The following ATP6V1C2 variants were observed in gnomAD, a reference collection of about 807,000 sequenced individuals.
ATP6V1C2 encodes V-type proton ATPase subunit C 2.
Under a neutral mutation model 56.8 loss-of-function variants are expected in ATP6V1C2, and 45 were observed. The ratio of observed to expected loss-of-function variants is 0.79; its 90% CI spans 0.62 to 1.02. ATP6V1C2 has a LOEUF of 1.02. ATP6V1C2 is among the 50% of genes least tolerant of loss of function. ATP6V1C2 has a pLI of 0.00. For synonymous variants in ATP6V1C2, 220 were observed against 201.3 expected (o/e 1.09, Z -0.79); for missense variants, 463 against 519.7 (o/e 0.89, Z 1.06).
chr2:10,725,338 C>T (rs1001371830), intron 2 of ATP6V1C2, among the ~76,000 whole-genome samples: 1 of 151,458 alleles, frequency 6.6e-6, no homozygotes, highest in Admixed American at 6.6e-5. Flanking sequence ...TCACTTGAAC[C>T]TGGGAGGTGG....
chr2:10,731,231 G>C (rs1661935712), intron 3 of ATP6V1C2, among the ~76,000 whole-genome samples: 1 of 152,208 alleles, frequency 6.6e-6, no homozygotes, highest in African/African-American at 2.4e-5. Flanking sequence ...TTACAAGCAT[G>C]AGTCACCACA....
Position 10,777,571 on chromosome 2 carries a change from T to C in ATP6V1C2, c.826-14T>C, listed in dbSNP as rs753356286. 5.0e-6 allele frequency: 8 copies of C among 1,603,788 alleles called. No homozygotes were observed. The Admixed American group carries it at 1.2e-4, about 25-fold the overall frequency. On this transcript the variant is annotated splice_polypyrimidine_tract_variant and intron_variant, in intron 10 of 13. Transcript: ENST00000272238. ...GTTTGCTGAAAGATTAATAAATCAT[T>C]TCTGTGCCTTTAGCAAACTTCCTGT...
chr2:10,725,744 C>T (rs1661604942), intron 2 of ATP6V1C2, among the ~76,000 whole-genome samples: 1 of 151,360 alleles, frequency 6.6e-6, no homozygotes, highest in Admixed American at 6.6e-5. Flanking sequence ...ATCTGCCCAC[C>T]TTGGCCTCAA....
intron 3 of ATP6V1C2, among the ~76,000 whole-genome samples, chr2:10,742,630 C>A (rs1027331850): frequency 1.3e-5 from 2 of 152,144 alleles, no homozygotes; most frequent in Non-Finnish European, 2.9e-5. Context: ...AATGTCCTGG[C>A]TGTGGGTGCG....
chr2:10,761,526 T>G (rs895057194), intron 4 of ATP6V1C2, among the ~76,000 whole-genome samples: 13 of 152,202 alleles, frequency 8.5e-5, no homozygotes, highest in African/African-American at 3.1e-4. Context: ...CCAAAGCCTG[T>G]ATTAATACCC....
In ATP6V1C2 at chr2:10,768,680, T is replaced by C. The variant is rs1432656997; in HGVS notation, c.379-39T>C. On this transcript the variant is annotated intron_variant, in intron 5 of 13. Transcript: ENST00000272238. ...CAAAAAGTTCAGCCAACTCCTTCAA[T>C]GCTCAGGGTCACCTGGAGCTTTTGC... 5 of 1,567,414 alleles carry C rather than the reference T, an allele frequency of 3.2e-6. No individual in the cohort carries two copies. The Admixed American group carries it at 6.7e-5, about 21-fold the overall frequency.
At chr2:10,739,631 C>T (rs1235458062) in intron 3 of ATP6V1C2, among the ~76,000 whole-genome samples, 6 of 152,170 alleles carry the variant, frequency 3.9e-5, no homozygotes, top group Admixed American at 6.6e-5. Flanking sequence ...CCAGCCAGCC[C>T]GGTCCCTCTA....
Position 10,774,998 on chromosome 2 carries a change from A to T in ATP6V1C2, c.752A>T (p.Tyr251Phe). ...KENKFTVREF[Y>F]YDEKEIERER... ...TTAAGGTTCACTGTTCGTGAATTTT[A>T]CTATGATGAGAAGGAAATTGAAAGG... Residue 251 changes from tyrosine to phenylalanine, a missense_variant, in exon 10 of 14, where the codon TAC (tyrosine) becomes TTC (phenylalanine). Physicochemically the swap from Tyr to Phe is conservative, Grantham distance 22 (BLOSUM62 3). Transcript: ENST00000272238. The T allele has an allele frequency of 6.2e-7, 1 of 1,614,154 alleles. No homozygotes were observed. The highest frequency in any genetic ancestry group is 8.5e-7 in the Non-Finnish European group (1 of 1,180,016).
chr2:10,775,347 G>A (rs986300168), intron 10 of ATP6V1C2, among the ~76,000 whole-genome samples: 2 of 152,190 alleles, frequency 1.3e-5, no homozygotes, highest in African/African-American at 2.4e-5. Context: ...CCTGAGCACC[G>A]CCCTGCCAGG....
chr2:10,740,099 A>AG (rs1156471770), intron 3 of ATP6V1C2, among the ~76,000 whole-genome samples: 1 of 151,800 alleles, frequency 6.6e-6, no homozygotes, highest in East Asian at 1.9e-4. Flanking sequence ...AAAAAAAAAA[A>AG]AAAAGAAAAG....
At chr2:10,779,427 AAAT>A (rs1390946656) in intron 12 of ATP6V1C2, among the ~76,000 whole-genome samples, 1 of 107,540 alleles carries the variant, frequency 9.3e-6, no homozygotes, top group Non-Finnish European at 2.0e-5. Context: ...ATAAAAAAAA[AAAT>A]ATATATATAT....
chr2:10,756,590 C>T (rs1411657180), intron 4 of ATP6V1C2, among the ~76,000 whole-genome samples: 5 of 151,668 alleles, frequency 3.3e-5, no homozygotes, highest in Admixed American at 2.6e-4. Context: ...TGGTGGCTGG[C>T]GCTTGTAATC....
chr2:10,773,562 T>G (rs1367095746), intron 8 of ATP6V1C2, among the ~76,000 whole-genome samples: 1 of 151,928 alleles, frequency 6.6e-6, no homozygotes, highest in Non-Finnish European at 1.5e-5. Context: ...TTTGTATTTT[T>G]GGTAGAGATG....
intron 12 of ATP6V1C2, among the ~76,000 whole-genome samples, chr2:10,779,970 G>A (rs989587509): frequency 3.3e-5 from 5 of 152,214 alleles, no homozygotes; most frequent in South Asian, 4.2e-4. Flanking sequence ...ACCGCCTGCC[G>A]CTCTGACTCG....
chr2:10,753,215 G>A (rs1015086462), intron 3 of ATP6V1C2, among the ~76,000 whole-genome samples: 6 of 152,098 alleles, frequency 3.9e-5, no homozygotes, highest in Non-Finnish European at 5.9e-5. Flanking sequence ...CTTTCACGTC[G>A]TCATAGCCAG....
intron 3 of ATP6V1C2, among the ~76,000 whole-genome samples, chr2:10,740,875 CG>C (rs1013635052): frequency 3.9e-5 from 6 of 152,234 alleles, no homozygotes; most frequent in African/African-American, 1.4e-4. Context: ...TTAGTAGAGA[CG>C]GGGTTTCACC....
At chr2:10,761,064 G>A (rs1204881096) in intron 4 of ATP6V1C2, among the ~76,000 whole-genome samples, 2 of 152,218 alleles carry the variant, frequency 1.3e-5, no homozygotes. Context: ...GACAGCACAA[G>A]GAGTGGAGTT....
chr2:10,749,889 A>G (rs1431128628), intron 3 of ATP6V1C2, among the ~76,000 whole-genome samples: 1 of 152,228 alleles, frequency 6.6e-6, no homozygotes, highest in Non-Finnish European at 1.5e-5. Flanking sequence ...ATTTGTTATG[A>G]TACAGCTATG....
At chr2:10,759,591 T>C (rs1050748181) in intron 4 of ATP6V1C2, among the ~76,000 whole-genome samples, 1 of 152,146 alleles carries the variant, frequency 6.6e-6, no homozygotes, top group Admixed American at 6.5e-5. Context: ...TTGCCCCCTC[T>C]GAGGCCCAGG....
Sources: allele counts gnomAD v4.1 joint callset (sites outside exome capture counted in the v4.1 genomes callset), GRCh38; gene constraint gnomAD v4.1.1; transcripts MANE v1.5; gene names NCBI Gene and HGNC (gene_info 2026-07-23, HGNC 2026-07-21).